The following FMN1 variants were observed in gnomAD, a reference collection of about 807,000 sequenced individuals.
FMN1 encodes the protein formin 1.
FMN1 carries 110 observed loss-of-function variants against 132.4 expected under a neutral mutation model. The ratio of observed to expected loss-of-function variants is 0.83; its 90% CI spans 0.71 to 0.97. FMN1 has a LOEUF of 0.97. FMN1 is among the 50% of genes least tolerant of loss of function. The pLI is 0.00. For missense variants in FMN1, 1,792 were observed against 1,705.3 expected (o/e 1.05, Z -0.90); for synonymous variants, 722 against 651.7 (o/e 1.11, Z -1.64).
intron 7 of FMN1, among the ~76,000 whole-genome samples, chr15:32,988,877 CAAGT>C (rs1272175579): frequency 6.6e-6 from 1 of 152,198 alleles, no homozygotes; most frequent in African/African-American, 2.4e-5. Flanking sequence ...ATCACAAATT[CAAGT>C]AAGTCTATGT....
intron 9 of FMN1, among the ~76,000 whole-genome samples, chr15:32,953,683 G>A (rs1267392234): frequency 1.3e-5 from 2 of 152,176 alleles, no homozygotes; most frequent in African/African-American, 4.8e-5. Context: ...TCTCGACCGT[G>A]GAAACTCTGC....
intron 4 of FMN1, among the ~76,000 whole-genome samples, chr15:33,121,458 T>C (rs192801959): frequency 2.0e-5 from 3 of 152,206 alleles, no homozygotes; most frequent in Admixed American, 1.3e-4. Context: ...TAGTTCTATA[T>C]GATACAAAGG....
At chr15:32,882,239 T>C (rs751220047) in intron 16 of FMN1, among the ~76,000 whole-genome samples, 2 of 152,188 alleles carry the variant, frequency 1.3e-5, no homozygotes, top group Non-Finnish European at 2.9e-5. Context: ...GCTTTTAGGG[T>C]GAGCCTGCAA....
intron 7 of FMN1, among the ~76,000 whole-genome samples, chr15:32,991,065 G>C (rs2033404868): frequency 1.3e-5 from 2 of 152,084 alleles, no homozygotes; most frequent in African/African-American, 4.8e-5. Flanking sequence ...ATATCAAAGA[G>C]AACAGGTGAA....
chr15:33,117,988 T>C (rs911432926), intron 4 of FMN1, among the ~76,000 whole-genome samples: 1 of 152,194 alleles, frequency 6.6e-6, no homozygotes, highest in African/African-American at 2.4e-5. Flanking sequence ...TGTTGTTAAT[T>C]TGCAAAGACT....
intron 4 of FMN1, among the ~76,000 whole-genome samples, chr15:33,130,608 T>C (rs1401154103): frequency 2.0e-5 from 3 of 152,212 alleles, no homozygotes; most frequent in Non-Finnish European, 4.4e-5. Context: ...AATAGGTATA[T>C]GCATTTTCAA....
chr15:32,892,360 T>A (rs188412529), intron 15 of FMN1, among the ~76,000 whole-genome samples: 26 of 152,366 alleles, frequency 1.7e-4, no homozygotes. Flanking sequence ...TTATCACATT[T>A]ATTAACTTGC....
intron 15 of FMN1, among the ~76,000 whole-genome samples, chr15:32,892,100 G>C (rs1317879067): frequency 6.6e-6 from 1 of 152,136 alleles, no homozygotes; most frequent in Non-Finnish European, 1.5e-5. Flanking sequence ...ATGTTGAAGA[G>C]GAGTGGCGAG....
At chr15:33,078,300 T>G (rs1406028478) in intron 5 of FMN1, among the ~76,000 whole-genome samples, 1 of 152,218 alleles carries the variant, frequency 6.6e-6, no homozygotes, top group African/African-American at 2.4e-5. Context: ...CCATCATTAT[T>G]ATGGAGCATG....
chr15:33,066,311 T>C (rs557274373), intron 5 of FMN1, among the ~76,000 whole-genome samples: 1 of 152,326 alleles, frequency 6.6e-6, no homozygotes, highest in Non-Finnish European at 1.5e-5. Flanking sequence ...TCTTGCAATA[T>C]TCCAGATAAA....
At chr15:32,832,181 G>A (rs1354745832) in intron 17 of FMN1, among the ~76,000 whole-genome samples, 1 of 152,150 alleles carries the variant, frequency 6.6e-6, no homozygotes, top group Non-Finnish European at 1.5e-5. Context: ...AATGCATTTT[G>A]CAGCGATTTG....
chr15:33,182,850 T>G (rs1211354670), intron 2 of FMN1, among the ~76,000 whole-genome samples: 1 of 152,250 alleles, frequency 6.6e-6, no homozygotes, highest in East Asian at 1.9e-4. Context: ...CATTAACAGC[T>G]ACTATTACTT....
rs373185751 is a variant in FMN1 at position 32,823,152 on chromosome 15, G to GTTTTTT, written c.3929-18826_3929-18821dup. Among the ~76,000 whole-genome samples the GTTTTTT allele has an allele frequency of 4.2e-4, 36 of 86,224 alleles. 2 individuals are homozygous for GTTTTTT. Among genetic ancestry groups the GTTTTTT allele is most frequent in the African/African-American group, 1.2e-3 (22 of 18,748 alleles). The allele number at this position is 86,224 out of a possible 152,430, so 56.6% of individuals were successfully genotyped here. A position where few individuals can be genotyped will look rare whatever the true frequency, so the allele number is the denominator to read the frequency against. On this transcript the variant is annotated intron_variant, in intron 17 of 20. Transcript: ENST00000616417. ...GTCTCAAAGACAGAGAGTTTCTACT[G>GTTTTTT]TTTTTTTTTTTTTTTTTTTTTTTTT...
intron 6 of FMN1, among the ~76,000 whole-genome samples, chr15:33,057,745 T>G (rs1191008045): frequency 6.6e-6 from 1 of 152,242 alleles, no homozygotes; most frequent in Non-Finnish European, 1.5e-5. Context: ...CATCAAGTGC[T>G]TCCCTTTATC....
chr15:33,075,998 G>A (rs1287914634), intron 5 of FMN1, among the ~76,000 whole-genome samples: 2 of 152,168 alleles, frequency 1.3e-5, no homozygotes, highest in Non-Finnish European at 2.9e-5. Context: ...TTCTAAGACT[G>A]GGTTGTTCCA....
chr15:33,117,163 C>T (rs1471334075), intron 4 of FMN1, among the ~76,000 whole-genome samples: 1 of 152,022 alleles, frequency 6.6e-6, no homozygotes, highest in African/African-American at 2.4e-5. Context: ...AAATTACTCC[C>T]CTCTAACAAC....
At chr15:32,995,168 A>C (rs1005051722) in intron 7 of FMN1, among the ~76,000 whole-genome samples, 2 of 152,104 alleles carry the variant, frequency 1.3e-5, no homozygotes, top group African/African-American at 4.8e-5. Context: ...TTATTATACC[A>C]ATTTGCAGGA....
At position 33,173,913 on chromosome 15, in the gene FMN1, G is replaced by C. The variant is rs374911334; in HGVS notation, c.-132+6285C>G. Among the ~76,000 whole-genome samples, 315 of 152,080 alleles carry C rather than the reference G, an allele frequency of 2.1e-3. 1 individual carries two copies. The highest frequency in any genetic ancestry group is 7.1e-3 in the African/African-American group (295 of 41,450). On this transcript the variant is annotated intron_variant, in intron 3 of 20. Transcript: ENST00000616417. ...CACTGCACTCCAGCCTGGGCAGCAA[G>C]CCTCTGTCTCAAATAAAAAATTAAA...
chr15:32,944,622 T>C (rs1251702342), intron 9 of FMN1, among the ~76,000 whole-genome samples: 2 of 152,100 alleles, frequency 1.3e-5, no homozygotes, highest in East Asian at 3.9e-4. Context: ...AAAAGGCAAA[T>C]TGTCACCCTG....
Sources: gnomAD v4.1 joint callset for allele counts (sites outside exome capture counted in the v4.1 genomes callset) on GRCh38, gnomAD v4.1.1 for gene constraint, MANE v1.5 for transcripts, NCBI Gene and HGNC (gene_info 2026-07-23, HGNC 2026-07-21) for gene names.